SGCZ: variants seen among roughly 807,000 people sequenced by gnomAD.
The protein encoded by SGCZ is sarcoglycan zeta.
In SGCZ, 40 loss-of-function variants were observed where a neutral mutation model predicts 41.3. That is an observed-to-expected ratio of 0.97 (90% CI 0.75 to 1.26). The LOEUF is 1.26. Among genes scored for constraint, SGCZ ranks in the 50% most tolerant of loss-of-function variants. The pLI, the probability that SGCZ is intolerant of heterozygous loss-of-function variation, is 0.00. For synonymous variants in SGCZ, 206 were observed against 137.5 expected, an observed-to-expected ratio of 1.50 and a Z score of -3.49; for missense variants, 552 against 369.8, an observed-to-expected ratio of 1.49 and a Z score of -4.04.
chr8:14,309,770 A>G (rs959673946), intron 3 of SGCZ: 3 of 1,522,488 alleles, frequency 2.0e-6, no homozygotes, highest in Non-Finnish European at 2.7e-6. Context: ...AGTGGACTGC[A>G]TTTAAATTTC....
At chr8:14,705,490 AAT>A (rs911338857) in intron 1 of SGCZ, among the ~76,000 whole-genome samples, 1 of 152,006 alleles carries the variant, frequency 6.6e-6, no homozygotes, top group Non-Finnish European at 1.5e-5. Context: ...ATATAAGAAA[AAT>A]AGAGTATTAC....
At chr8:14,356,525 GA>G (rs1803297805) in intron 2 of SGCZ, among the ~76,000 whole-genome samples, 1 of 152,036 alleles carries the variant, frequency 6.6e-6, no homozygotes, top group South Asian at 2.1e-4. Context: ...GAATAAAGTA[GA>G]ACTTGTTTAA....
At chr8:14,379,178 C>A (rs952409417) in intron 2 of SGCZ, among the ~76,000 whole-genome samples, 1 of 152,094 alleles carries the variant, frequency 6.6e-6, no homozygotes, top group Admixed American at 6.6e-5. Flanking sequence ...GAAATATTAA[C>A]CAATTTTTAT....
At chr8:15,202,429 C>A (rs773687665) in intron 1 of SGCZ, among the ~76,000 whole-genome samples, 1 of 152,112 alleles carries the variant, frequency 6.6e-6, no homozygotes, top group Non-Finnish European at 1.5e-5. Context: ...TCTTCTCACA[C>A]ATAAGTGAGA....
chr8:14,523,381 C>T lies in SGCZ; in HGVS notation c.234+31351G>A, dbSNP rs373009653. Among the ~76,000 whole-genome samples the T allele has an allele frequency of 3.9e-5, 6 of 151,982 alleles. No homozygotes were observed. The East Asian group carries it at 9.7e-4, about 24-fold the overall frequency. Reference sequence around the variant, plus strand: ...AATATTTCTTCATTTTGTCCTCCATCTGATAATGTCTTAAATTTCTCTACA... The same window carrying T: ...AATATTTCTTCATTTTGTCCTCCATTTGATAATGTCTTAAATTTCTCTACA... On this transcript the variant is annotated intron_variant, in intron 2 of 7. Coordinates refer to ENST00000382080, the MANE Select transcript of SGCZ (RefSeq NM_139167.4).
intron 1 of SGCZ, among the ~76,000 whole-genome samples, chr8:14,983,867 G>A (rs1801748930): frequency 1.3e-5 from 2 of 151,872 alleles, no homozygotes; most frequent in African/African-American, 4.8e-5. Context: ...TATATCTTTT[G>A]AGTACCTTTA....
chr8:15,159,754 C>G lies in SGCZ; in HGVS notation c.39+77831G>C, dbSNP rs1271417015. On this transcript the variant is annotated intron_variant, in intron 1 of 7. Transcript: ENST00000382080. The stretch of plus-strand genomic sequence containing the variant: ...CCGCCCCCCCCACCCTCCCCCCCAC[C>G]CCCGCCACACACACACAGATGGTGT... 6.1e-4 allele frequency among the ~76,000 whole-genome samples: 40 copies of G among 65,158 alleles called. 8 individuals are homozygous for G. The highest frequency in any genetic ancestry group is 1.2e-3 in the Non-Finnish European group (35 of 29,246). The allele number at this position is 65,158 out of a possible 152,430, so 42.7% of individuals were successfully genotyped here.
chr8:14,116,762 T>C lies in SGCZ; in HGVS notation c.548-8527A>G, dbSNP rs1169419463. On this transcript the variant is annotated intron_variant, in intron 5 of 7. Coordinates refer to ENST00000382080, the MANE Select transcript of SGCZ (RefSeq NM_139167.4). ...AGCTCCATTTACTTTCATTTGTTTT[T>C]TAACCATAAGAGGACTGGTAGCATT... Among the ~76,000 whole-genome samples the C allele has an allele frequency of 3.3e-5, 5 of 152,118 alleles. No homozygotes were observed. In the East Asian group the frequency reaches 7.7e-4, roughly 23 times the overall value.
chr8:14,399,235 G>A (rs138669815), intron 2 of SGCZ, among the ~76,000 whole-genome samples: 2 of 152,178 alleles, frequency 1.3e-5, no homozygotes, highest in Non-Finnish European at 2.9e-5. Flanking sequence ...TTTTTATTGA[G>A]ATTTTTGTAT....
chr8:14,444,054 T>A (rs1335796442), intron 2 of SGCZ, among the ~76,000 whole-genome samples: 1 of 152,036 alleles, frequency 6.6e-6, no homozygotes, highest in Non-Finnish European at 1.5e-5. Flanking sequence ...AAAAGACACA[T>A]GAAAAAATGC....
At chr8:15,230,608 G>A (rs542205439) in intron 1 of SGCZ, among the ~76,000 whole-genome samples, 86 of 152,138 alleles carry the variant, frequency 5.7e-4, no homozygotes, top group Non-Finnish European at 1.1e-3. Context: ...ATACAAAAAC[G>A]TCATTTTTGA....
rs368957927 is a variant in SGCZ, at chr8:15,145,966, AG to A, written c.39+91618del. Among the ~76,000 whole-genome samples, 261 of 152,304 alleles carry A rather than the reference AG, an allele frequency of 1.7e-3. 1 individual carries two copies. Among genetic ancestry groups the A allele is most frequent in the African/African-American group, 5.8e-3 (242 of 41,580 alleles). ...TCCAAAAAGGCAAAGAGAATGGGTG[AG>A]GGGGTAACAGTAGAGGAACAAGGGG... On this transcript the variant is annotated intron_variant, in intron 1 of 7. Coordinates refer to ENST00000382080, the MANE Select transcript of SGCZ (RefSeq NM_139167.4).
chr8:14,303,503 C>A (rs1031613421), intron 3 of SGCZ, among the ~76,000 whole-genome samples: 1 of 152,026 alleles, frequency 6.6e-6, no homozygotes, highest in Admixed American at 6.6e-5. Flanking sequence ...AGGATAAACT[C>A]AAACTACTTG....
At chr8:14,865,549 G>C (rs561000864) in intron 1 of SGCZ, among the ~76,000 whole-genome samples, 3 of 152,104 alleles carry the variant, frequency 2.0e-5, no homozygotes, top group Admixed American at 6.6e-5. Flanking sequence ...TTTGTTCTTG[G>C]AATGCAGGTA....
intron 1 of SGCZ, among the ~76,000 whole-genome samples, chr8:14,816,226 G>A (rs76343283): frequency 0.037 from 5,651 of 152,216 alleles, 155 homozygotes; most frequent in African/African-American, 0.081. Context: ...CACTACACAC[G>A]TGTGAGTGGT....
At chr8:14,764,452 C>T (rs1244310979) in intron 1 of SGCZ, among the ~76,000 whole-genome samples, 1 of 152,166 alleles carries the variant, frequency 6.6e-6, no homozygotes, top group East Asian at 1.9e-4. Context: ...AATAAACTGA[C>T]ATAATGTCTC....
intron 3 of SGCZ, among the ~76,000 whole-genome samples, chr8:14,275,934 C>T (rs1800212984): frequency 6.6e-6 from 1 of 152,162 alleles, no homozygotes; most frequent in South Asian, 2.1e-4. Context: ...AAAGCCAGAC[C>T]AATGTGTCAA....
intron 3 of SGCZ, among the ~76,000 whole-genome samples, chr8:14,319,256 T>C (rs572730524): frequency 6.6e-6 from 1 of 152,074 alleles, no homozygotes; most frequent in East Asian, 1.9e-4. Flanking sequence ...AGAACATTCA[T>C]GTCATCAAAA....
At chr8:15,044,372 C>T (rs1022515319) in intron 1 of SGCZ, among the ~76,000 whole-genome samples, 4 of 152,086 alleles carry the variant, frequency 2.6e-5, no homozygotes, top group East Asian at 1.9e-4. Context: ...TTAACTGCCC[C>T]AGTGAGAAAG....
Sources: allele counts gnomAD v4.1 joint callset (sites outside exome capture counted in the v4.1 genomes callset), GRCh38; gene constraint gnomAD v4.1.1; transcripts MANE v1.5; gene names NCBI Gene and HGNC (gene_info 2026-07-23, HGNC 2026-07-21).